The following CRACD variants were observed in gnomAD, a reference collection of about 807,000 sequenced individuals.
The protein encoded by CRACD is capping protein inhibiting regulator of actin dynamics, also known as capping protein-inhibiting regulator of actin dynamics.
A neutral mutation model predicts 106.8 loss-of-function variants in CRACD; 56 were observed. The observed-to-expected ratio is 0.52, with a 90% confidence interval of 0.42 to 0.66. The LOEUF (loss-of-function observed/expected upper bound fraction) is 0.66. CRACD is among the 30% of genes least tolerant of loss of function. The probability of loss-of-function intolerance (pLI) is 0.00; values close to 1 mark genes in which losing one functional copy is unlikely to be tolerated. For synonymous variants in CRACD, 754 were observed against 670.8 expected, an observed-to-expected ratio of 1.12 and a Z score of -1.92; for missense variants, 1,730 against 1,623.2, an observed-to-expected ratio of 1.07 and a Z score of -1.13.
intron 2 of CRACD, among the ~76,000 whole-genome samples, chr4:56,196,603 CA>C (rs1737623224): frequency 6.6e-6 from 1 of 152,168 alleles, no homozygotes; most frequent in Non-Finnish European, 1.5e-5. Flanking sequence ...ACAGCTAAAG[CA>C]GCTTAAACAG....
intron 1 of CRACD, among the ~76,000 whole-genome samples, chr4:56,125,263 A>G (rs1367225533): frequency 6.6e-6 from 1 of 151,990 alleles, no homozygotes; most frequent in African/African-American, 2.4e-5. Context: ...TTTAAATTGT[A>G]TTGTTTCTTC....
chr4:56,188,709 C>CAG lies in CRACD; in HGVS notation c.-189+9280_-189+9281insGA, dbSNP rs1227467173. On this transcript the variant is annotated intron_variant, in intron 2 of 10. Transcript: ENST00000682029. ...TCTCACACACACACACACACACACA[C>CAG]ACAGAGAGAGAGAGAGAGAGAGAGA... 1.9e-3 allele frequency among the ~76,000 whole-genome samples: 243 copies of CAG among 129,754 alleles called. 1 individual carries two copies. The highest frequency in any genetic ancestry group is 3.6e-3 in the African/African-American group (109 of 30,180). The allele number at this position is 129,754 out of a possible 152,430, so 85.1% of individuals were successfully genotyped here.
intron 2 of CRACD, among the ~76,000 whole-genome samples, chr4:56,256,325 A>G (rs1387458599): frequency 6.6e-6 from 1 of 152,160 alleles, no homozygotes; most frequent in Admixed American, 6.5e-5. Context: ...ACCATGTGAG[A>G]TCTGCCTTTC....
At chr4:56,078,115 A>T (rs1401463730) in intron 1 of CRACD, among the ~76,000 whole-genome samples, 4 of 152,352 alleles carry the variant, frequency 2.6e-5, no homozygotes, top group African/African-American at 9.6e-5. Flanking sequence ...GACAGATAAT[A>T]ATTGTACTTA....
At chr4:56,245,352 T>G (rs1466737257) in intron 2 of CRACD, among the ~76,000 whole-genome samples, 1 of 152,204 alleles carries the variant, frequency 6.6e-6, no homozygotes, top group African/African-American at 2.4e-5. Flanking sequence ...GAATGTCTAA[T>G]CTCAGAATCC....
intron 2 of CRACD, among the ~76,000 whole-genome samples, chr4:56,187,070 G>GAA (rs1050840068): frequency 7.4e-6 from 1 of 135,640 alleles, no homozygotes; most frequent in Non-Finnish European, 1.6e-5. Flanking sequence ...CCCTATCCAA[G>GAA]AAAAAAAAAA....
chr4:56,060,640 G>C (rs1732238150), intron 1 of CRACD, among the ~76,000 whole-genome samples: 1 of 152,068 alleles, frequency 6.6e-6, no homozygotes, highest in Admixed American at 6.6e-5. Context: ...TGGAGAGATG[G>C]AAAAGACTAA....
chr4:56,259,067 T>C (rs1480358932), intron 2 of CRACD, among the ~76,000 whole-genome samples: 1 of 152,214 alleles, frequency 6.6e-6, no homozygotes, highest in East Asian at 1.9e-4. Context: ...AGTGACTTTA[T>C]TCCAAAGCTT....
intron 2 of CRACD, among the ~76,000 whole-genome samples, chr4:56,256,635 A>G (rs1741372829): frequency 6.6e-6 from 1 of 152,214 alleles, no homozygotes; most frequent in Admixed American, 6.5e-5. Flanking sequence ...CCATCATCAA[A>G]TGGAAGTGGT....
intron 2 of CRACD, among the ~76,000 whole-genome samples, chr4:56,202,506 C>G (rs1737930290): frequency 6.6e-6 from 1 of 152,196 alleles, no homozygotes; most frequent in Non-Finnish European, 1.5e-5. Flanking sequence ...CTTGGCCTCC[C>G]AAAGTGCTGG....
intron 3 of CRACD, among the ~76,000 whole-genome samples, chr4:56,276,928 T>G (rs1486723773): frequency 6.6e-6 from 1 of 152,224 alleles, no homozygotes; most frequent in Admixed American, 6.5e-5. Context: ...CAGTGAGATG[T>G]GAAGGAGTTC....
At chr4:56,288,306 A>T (rs569288044) in intron 3 of CRACD, among the ~76,000 whole-genome samples, 1 of 152,030 alleles carries the variant, frequency 6.6e-6, no homozygotes, top group Admixed American at 6.6e-5. Context: ...ATATTACGTG[A>T]TGCTGAGGTT....
At chr4:56,327,031 C>G (rs1014923538) in intron 10 of CRACD, among the ~76,000 whole-genome samples, 2 of 152,144 alleles carry the variant, frequency 1.3e-5, no homozygotes, top group African/African-American at 4.8e-5. Flanking sequence ...TGATCCACCA[C>G]GCCTGGCCAG....
Position 56,060,174 on chromosome 4 carries a change from G to T in CRACD, c.-336+10875G>T, listed in dbSNP as rs1732223087. 1.3e-5 allele frequency among the ~76,000 whole-genome samples: 2 copies of T among 152,116 alleles called. 1 individual carries two copies. The highest frequency in any genetic ancestry group is 4.2e-4 in the South Asian group (2 of 4,816). ...TCGGTGCAGTCAGTTAGGATGTTGG[G>T]AGTCGTACTGAACGTGGAGGAGTGG... On this transcript the variant is annotated intron_variant, in intron 1 of 10. Coordinates refer to ENST00000682029, the MANE Select transcript of CRACD (RefSeq NM_001393381.1).
At chr4:56,114,205 G>A (rs1402883752) in intron 1 of CRACD, among the ~76,000 whole-genome samples, 2 of 150,856 alleles carry the variant, frequency 1.3e-5, no homozygotes, top group Non-Finnish European at 3.0e-5. Flanking sequence ...CGGTTCTTAC[G>A]CTTGTCAATA....
At chr4:56,265,714 G>A (rs139490378) in intron 2 of CRACD, among the ~76,000 whole-genome samples, 199 of 152,218 alleles carry the variant, frequency 1.3e-3, no homozygotes, top group Middle Eastern at 3.4e-3. Context: ...TATTTTGCCT[G>A]GATTCTCAAA....
intron 1 of CRACD, among the ~76,000 whole-genome samples, chr4:56,059,574 T>C (rs888623325): frequency 1.3e-5 from 2 of 152,336 alleles, no homozygotes; most frequent in East Asian, 3.9e-4. Context: ...ACTGAACATA[T>C]ACCATGTATT....
intron 1 of CRACD, among the ~76,000 whole-genome samples, chr4:56,141,643 C>G (rs528090055): frequency 9.0e-5 from 13 of 145,068 alleles, no homozygotes; most frequent in African/African-American, 3.1e-4. Context: ...TGCTGAATAT[C>G]TCATAAGTAA....
Position 56,288,164 on chromosome 4 carries a change from TCTC to T in CRACD, c.-16-10047_-16-10045del, listed in dbSNP as rs1007330065. Among the ~76,000 whole-genome samples, 16 of 152,218 alleles carry T rather than the reference TCTC, an allele frequency of 1.1e-4. 1 individual carries two copies. The highest frequency in any genetic ancestry group is 4.1e-4 in the South Asian group (2 of 4,822). On this transcript the variant is annotated intron_variant, in intron 3 of 10. Coordinates refer to ENST00000682029, the MANE Select transcript of CRACD (RefSeq NM_001393381.1). Reference sequence around the variant, plus strand: ...AAATGTCAAGGATTTTTCCTCTTCTTCTCCTTTTTTCTTCCTCTTTTCTTAATT... The same window carrying T: ...AAATGTCAAGGATTTTTCCTCTTCTTCTTTTTTCTTCCTCTTTTCTTAATT...
Sources: allele counts gnomAD v4.1 joint callset (sites outside exome capture counted in the v4.1 genomes callset), GRCh38; gene constraint gnomAD v4.1.1; transcripts MANE v1.5; gene names NCBI Gene and HGNC (gene_info 2026-07-23, HGNC 2026-07-21).